SLC26A7: variants seen among roughly 807,000 people sequenced by gnomAD.
The protein encoded by SLC26A7 is anion exchange transporter.
A neutral mutation model predicts 82.5 loss-of-function variants in SLC26A7; 59 were observed. That is an observed-to-expected ratio of 0.72 (90% CI 0.58 to 0.89). The LOEUF is 0.89. SLC26A7 is among the 40% of genes least tolerant of loss of function. The pLI is 0.00. For missense variants in SLC26A7, 820 were observed against 793.0 expected (o/e 1.03, Z -0.41); for synonymous variants, 271 against 274.3 (o/e 0.99, Z 0.12).
rs1213545527 is a variant in SLC26A7 at position 91,366,730 on chromosome 8, G to C, written c.1626+13G>C. 6.2e-7 allele frequency: 1 copy of C among 1,605,040 alleles called. No homozygotes were observed. Among genetic ancestry groups the C allele is most frequent in the East Asian group, 2.2e-5 (1 of 44,710 alleles). ...TGATATCAGCAAGGTAGGATCAATG[G>C]TTTGATTAGAATGTCATACTACATG... is the stretch of plus-strand genomic sequence containing the variant. On this transcript the variant is annotated intron_variant, in intron 14 of 18. Coordinates refer to ENST00000276609, the MANE Select transcript of SLC26A7 (RefSeq NM_052832.4).
intron 5 of SLC26A7, among the ~76,000 whole-genome samples, chr8:91,329,293 T>C (rs1012986630): frequency 1.3e-5 from 2 of 152,194 alleles, no homozygotes; most frequent in African/African-American, 2.4e-5. Flanking sequence ...TTTTTCCATA[T>C]GCCACCCATG....
At chr8:91,231,028 A>G (rs992155483) in intron 2 of SLC26A7, among the ~76,000 whole-genome samples, 8 of 152,124 alleles carry the variant, frequency 5.3e-5, no homozygotes, top group Admixed American at 5.2e-4. Context: ...GAATAGCTGG[A>G]AACTTTCCAT....
At chr8:91,334,483 C>A (rs772653069) in intron 6 of SLC26A7, 36 bp downstream of exon 6, 2 of 1,573,544 alleles carry the variant, frequency 1.3e-6, no homozygotes, top group African/African-American at 1.3e-5. Context: ...TTTTGCCATG[C>A]AAAGCTTTCC....
chr8:91,265,398 T>C (rs1358794910), intron 2 of SLC26A7, among the ~76,000 whole-genome samples: 1 of 152,090 alleles, frequency 6.6e-6, no homozygotes. Flanking sequence ...TTTGGATATA[T>C]ACCCAGTAGT....
Position 91,340,423 on chromosome 8 carries a change from C to T in SLC26A7, c.898C>T (p.Pro300Ser). ...IPQGIPSPRAPPMNILSAVIT... is the reference protein window; with the variant it reads ...IPQGIPSPRASPMNILSAVIT... The stretch of plus-strand genomic sequence containing the variant: ...CCACAGAATTCCCTCACCTAGAGCT[C>T]CCCCGATGAACATCCTCTCTGCGGT... The change falls in exon 8 of 19, where the codon CCC becomes TCC. Residue 300 changes from proline to serine, a missense_variant. Physicochemically the swap from Pro to Ser is moderately conservative, Grantham distance 74 (BLOSUM62 -1). Transcript: ENST00000276609. The T allele has an allele frequency of 1.2e-6, 2 of 1,613,876 alleles. No individual in the cohort carries two copies. Among genetic ancestry groups the T allele is most frequent in the South Asian group, 1.1e-5 (1 of 91,062 alleles).
At chr8:91,318,165 C>T in intron 4 of SLC26A7, 51 bp from the exon 5 acceptor site, 7 of 1,519,696 alleles carry the variant, frequency 4.6e-6, no homozygotes, top group African/African-American at 1.4e-5. Flanking sequence ...CCTCTGGGAA[C>T]TTTGGGGAGT....
At chr8:91,332,204 C>T (rs1322183265) in intron 5 of SLC26A7, among the ~76,000 whole-genome samples, 2 of 143,384 alleles carry the variant, frequency 1.4e-5, no homozygotes, top group African/African-American at 5.1e-5. Flanking sequence ...GAGACCCTAC[C>T]TCTTTCTATA....
At chr8:91,310,894 G>T (rs987903343) in intron 4 of SLC26A7, among the ~76,000 whole-genome samples, 1 of 151,928 alleles carries the variant, frequency 6.6e-6, no homozygotes, top group African/African-American at 2.4e-5. Context: ...TGCCTGCTTG[G>T]CCCCTTCTAA....
At chr8:91,371,869 A>G (rs1307195757) in intron 15 of SLC26A7, among the ~76,000 whole-genome samples, 1 of 151,812 alleles carries the variant, frequency 6.6e-6, no homozygotes, top group Non-Finnish European at 1.5e-5. Context: ...GTGTGTAACC[A>G]TTTCCTTTTC....
chr8:91,277,138 A>G (rs1368842903), intron 2 of SLC26A7, among the ~76,000 whole-genome samples: 3 of 152,074 alleles, frequency 2.0e-5, no homozygotes, highest in Non-Finnish European at 4.4e-5. Flanking sequence ...GCCTTTACTA[A>G]TGCACCCTCA....
chr8:91,299,307 A>G (rs1338814295), intron 4 of SLC26A7, among the ~76,000 whole-genome samples: 1 of 152,072 alleles, frequency 6.6e-6, no homozygotes, highest in Non-Finnish European at 1.5e-5. Context: ...TTGTGTTGTC[A>G]AATTTATCAG....
intron 2 of SLC26A7, among the ~76,000 whole-genome samples, chr8:91,223,241 C>G (rs762479179): frequency 3.8e-4 from 58 of 152,144 alleles, no homozygotes; most frequent in Middle Eastern, 3.4e-3. Context: ...ATTAGTCTAG[C>G]TAGCAGTCTA....
At chr8:91,210,588 C>T (rs1156981947) in intron 1 of SLC26A7, among the ~76,000 whole-genome samples, 1 of 131,874 alleles carries the variant, frequency 7.6e-6, no homozygotes, top group East Asian at 2.2e-4. Flanking sequence ...CACACACACA[C>T]ACACACAGGT....
intron 18 of SLC26A7, chr8:91,394,425 G>A: frequency 7.0e-7 from 1 of 1,420,868 alleles, no homozygotes; most frequent in Non-Finnish European, 9.2e-7. Flanking sequence ...CTGATATCTT[G>A]CCTCTAAGCT....
intron 11 of SLC26A7, among the ~76,000 whole-genome samples, chr8:91,358,055 A>G (rs945810510): frequency 2.6e-5 from 4 of 152,208 alleles, no homozygotes; most frequent in African/African-American, 2.4e-5. Flanking sequence ...CAAAACCACA[A>G]TGAGATATCA....
chr8:91,285,646 T>C (rs566613558), intron 2 of SLC26A7, among the ~76,000 whole-genome samples: 13 of 152,370 alleles, frequency 8.5e-5, no homozygotes, highest in African/African-American at 3.1e-4. Flanking sequence ...AATTCTACTG[T>C]AATAGCTGCT....
intron 5 of SLC26A7, among the ~76,000 whole-genome samples, chr8:91,329,950 A>G (rs995079589): frequency 6.6e-6 from 1 of 152,174 alleles, no homozygotes; most frequent in East Asian, 1.9e-4. Context: ...TCCTGTGAAC[A>G]GTTATCATCC....
chr8:91,333,722 AT>A (rs1237151463), intron 5 of SLC26A7, among the ~76,000 whole-genome samples: 4 of 152,164 alleles, frequency 2.6e-5, no homozygotes, highest in African/African-American at 9.7e-5. Context: ...CAACGTCTCA[AT>A]TTTTTACTAT....
At chr8:91,209,788 G>A (rs1160908064) in intron 1 of SLC26A7, among the ~76,000 whole-genome samples, 2 of 152,186 alleles carry the variant, frequency 1.3e-5, no homozygotes, top group Non-Finnish European at 2.9e-5. Flanking sequence ...ATTCCATCAT[G>A]TTAAGGGAAT....
Sources: allele counts gnomAD v4.1 joint callset (sites outside exome capture counted in the v4.1 genomes callset), GRCh38; gene constraint gnomAD v4.1.1; transcripts MANE v1.5; gene names NCBI Gene and HGNC (gene_info 2026-07-23, HGNC 2026-07-21).